The following SUGCT variants were observed in gnomAD, a reference collection of about 807,000 sequenced individuals.
SUGCT encodes succinyl-CoA:glutarate CoA-transferase.
SUGCT carries 41 observed loss-of-function variants against 55.0 expected under a neutral mutation model. The ratio of observed to expected loss-of-function variants is 0.74; its 90% CI spans 0.58 to 0.97. The LOEUF (loss-of-function observed/expected upper bound fraction) is 0.97, where lower values mean the gene tolerates loss of function less well. SUGCT is among the 50% of genes least tolerant of loss of function. The pLI is 0.00. For synonymous variants in SUGCT, 187 were observed against 200.4 expected, an observed-to-expected ratio of 0.93 and a Z score of 0.56; for missense variants, 568 against 547.8, an observed-to-expected ratio of 1.04 and a Z score of -0.37.
At chr7:40,586,312 T>C (rs1797377233) in intron 12 of SUGCT, among the ~76,000 whole-genome samples, 1 of 152,196 alleles carries the variant, frequency 6.6e-6, no homozygotes, top group South Asian at 2.1e-4. Context: ...CCGTTTTGCT[T>C]GAGCACTTGA....
chr7:40,585,478 C>A (rs2158760), intron 12 of SUGCT, among the ~76,000 whole-genome samples: 1 of 152,124 alleles, frequency 6.6e-6, no homozygotes, highest in African/African-American at 2.4e-5. Context: ...GGAAGAACAT[C>A]GTTTTGTGAT....
chr7:40,136,122 A>G (rs560631941), intron 1 of SUGCT, among the ~76,000 whole-genome samples: 89 of 150,682 alleles, frequency 5.9e-4, no homozygotes, highest in Non-Finnish European at 1.0e-3. Flanking sequence ...TCAGCTTTCT[A>G]GAGTAGCCGA....
chr7:40,160,966 G>A (rs1163621654), intron 1 of SUGCT, among the ~76,000 whole-genome samples: 1 of 151,794 alleles, frequency 6.6e-6, no homozygotes, highest in East Asian at 1.9e-4. Context: ...CCTTTTTGGT[G>A]GACGGTTTGA....
At chr7:40,795,598 A>G (rs1211514779) in intron 13 of SUGCT, among the ~76,000 whole-genome samples, 4 of 152,174 alleles carry the variant, frequency 2.6e-5, no homozygotes, top group Non-Finnish European at 5.9e-5. Context: ...TGGGGCTTCA[A>G]TCCGCATCGA....
At chr7:40,150,821 G>A (rs1259810344) in intron 1 of SUGCT, among the ~76,000 whole-genome samples, 3 of 152,140 alleles carry the variant, frequency 2.0e-5, no homozygotes, top group Non-Finnish European at 2.9e-5. Flanking sequence ...TTGATGAATC[G>A]GCTCTATCTA....
intron 12 of SUGCT, among the ~76,000 whole-genome samples, chr7:40,737,814 C>T (rs567242215): frequency 6.6e-6 from 1 of 152,158 alleles, no homozygotes; most frequent in South Asian, 2.1e-4. Flanking sequence ...ATCCCAGCTA[C>T]TTGGGAGGCT....
chr7:40,375,718 A>ATTGTT (rs5883729), intron 9 of SUGCT, among the ~76,000 whole-genome samples: 145,615 of 152,040 alleles, frequency 0.96, 70,047 homozygotes, highest in East Asian at 1. Context: ...TCAATTTATA[A>ATTGTT]TTGTCTTAAA....
chr7:40,829,898 T>C (rs555928349), intron 13 of SUGCT, among the ~76,000 whole-genome samples: 2 of 152,344 alleles, frequency 1.3e-5, no homozygotes, highest in East Asian at 3.9e-4. Context: ...TCATGTAGCA[T>C]GTGGCAAACT....
intron 8 of SUGCT, among the ~76,000 whole-genome samples, chr7:40,307,569 A>G (rs1312901239): frequency 6.6e-6 from 1 of 152,166 alleles, no homozygotes; most frequent in East Asian, 1.9e-4. Flanking sequence ...CATCTCTAAA[A>G]TGGGGTCATC....
intron 12 of SUGCT, among the ~76,000 whole-genome samples, chr7:40,517,953 G>T (rs1342408166): frequency 6.6e-6 from 1 of 152,090 alleles, no homozygotes; most frequent in Non-Finnish European, 1.5e-5. Flanking sequence ...AAAAACTATG[G>T]AGTCAGAAAA....
At chr7:40,975,596 A>G in the SUGCT span, among the ~76,000 whole-genome samples, 1 of 152,308 alleles carries the variant, frequency 6.6e-6, no homozygotes, top group East Asian at 1.9e-4. Context: ...AATGTTTTCC[A>G]GATGGTGGCT....
chr7:40,860,494 T>C lies in SUGCT; in HGVS notation c.*15T>C, dbSNP rs1794448239. On this transcript the variant is annotated 3_prime_UTR_variant, in exon 14 of 14. Transcript: ENST00000335693. ...AAACTCACTGACAAAGGAAAAGGGC[T>C]CTTCCTCATAACCTCGATCCGAATA... The C allele has an allele frequency of 6.2e-7, 1 of 1,605,266 alleles. No individual in the cohort carries two copies. The highest frequency in any genetic ancestry group is 8.5e-7 in the Non-Finnish European group (1 of 1,173,866).
At chr7:40,613,948 G>T (rs1308457181) in intron 12 of SUGCT, among the ~76,000 whole-genome samples, 1 of 152,126 alleles carries the variant, frequency 6.6e-6, no homozygotes, top group Non-Finnish European at 1.5e-5. Flanking sequence ...CATACTATGG[G>T]TTACAGTTTG....
chr7:40,278,902 C>T (rs1471256079), intron 8 of SUGCT, among the ~76,000 whole-genome samples: 1 of 151,620 alleles, frequency 6.6e-6, no homozygotes, highest in Non-Finnish European at 1.5e-5. Flanking sequence ...TGATAGCTCA[C>T]TGAAACCTCG....
At chr7:40,992,439 C>T in the SUGCT span, among the ~76,000 whole-genome samples, 1 of 152,148 alleles carries the variant, frequency 6.6e-6, no homozygotes, top group African/African-American at 2.4e-5. Context: ...TTTGTGCTGA[C>T]TTCTTGTCCC....
intron 1 of SUGCT, among the ~76,000 whole-genome samples, chr7:40,161,429 T>G (rs1784141932): frequency 6.6e-6 from 1 of 152,224 alleles, no homozygotes; most frequent in Admixed American, 6.5e-5. Context: ...AACACTCCAC[T>G]GTCTTCATCC....
intron 13 of SUGCT, among the ~76,000 whole-genome samples, chr7:40,809,814 T>A (rs902397589): frequency 1.3e-5 from 2 of 152,116 alleles, no homozygotes; most frequent in Non-Finnish European, 2.9e-5. Context: ...GTTTCTATTG[T>A]TGCCATATGT....
intron 9 of SUGCT, among the ~76,000 whole-genome samples, chr7:40,337,765 T>G (rs1796799635): frequency 6.6e-6 from 1 of 152,192 alleles, no homozygotes; most frequent in South Asian, 2.1e-4. Flanking sequence ...GTTACTATTG[T>G]TATATGTGAA....
chr7:40,599,317 G>C (rs1382561979), intron 12 of SUGCT, among the ~76,000 whole-genome samples: 2 of 152,142 alleles, frequency 1.3e-5, no homozygotes, highest in African/African-American at 4.8e-5. Flanking sequence ...GTAAATTGAA[G>C]GGTAAGGAAT....
Sources: gnomAD v4.1 joint callset for allele counts (sites outside exome capture counted in the v4.1 genomes callset) on GRCh38, gnomAD v4.1.1 for gene constraint, MANE v1.5 for transcripts, NCBI Gene and HGNC (gene_info 2026-07-23, HGNC 2026-07-21) for gene names.